Variants in USP7 observed in about 807,000 individuals in gnomAD.
USP7 encodes ubiquitin specific peptidase 7.
USP7 carries 9 observed loss-of-function variants against 162.9 expected under a neutral mutation model. The observed-to-expected ratio is 0.06, with a 90% CI of 0.03 to 0.10. USP7 has a LOEUF of 0.10. Among genes scored for constraint, USP7 ranks in the 10% least tolerant of loss-of-function variants. The pLI is 1.00. For missense variants in USP7, 715 were observed against 1,373.7 expected (o/e 0.52, Z 7.58); for synonymous variants, 562 against 475.9 (o/e 1.18, Z -2.35).
At chr16:8,932,787 G>A (rs531092715) in intron 1 of USP7, among the ~76,000 whole-genome samples, 15 of 152,236 alleles carry the variant, frequency 9.9e-5, no homozygotes, top group African/African-American at 3.1e-4. Context: ...TGGGGCTGGG[G>A]ATGGACAAAG....
Position 8,963,399 on chromosome 16 carries a change from C to G in USP7, c.-114G>C, listed in dbSNP as rs944135467. ...GGCGGCGGCGGCGGGGCGGCCTCCT[C>G]CTCCTCCTCCCGCGCGTCGTCGGCG... On this transcript the variant is annotated 5_prime_UTR_variant, in exon 1 of 31. Transcript: ENST00000344836. 5.8e-6 allele frequency: 1 copy of G among 173,370 alleles called. No individual in the cohort carries two copies. The highest frequency in any genetic ancestry group is 1.7e-4 in the South Asian group (1 of 6,028). 10.7% of individuals were successfully genotyped at this position (173,370 alleles called of 1,614,324 possible).
intron 12 of USP7, among the ~76,000 whole-genome samples, chr16:8,907,996 T>C (rs1362331480): frequency 6.6e-6 from 1 of 152,182 alleles, no homozygotes; most frequent in Non-Finnish European, 1.5e-5. Flanking sequence ...TGAAATAACA[T>C]TTATAATCGG....
intron 15 of USP7, 139 bp downstream of exon 15, chr16:8,904,296 G>A: frequency 1.4e-6 from 2 of 1,451,410 alleles, no homozygotes; most frequent in South Asian, 1.3e-5. Flanking sequence ...GGACTGACCT[G>A]CACTTGCGTA....
chr16:8,911,043 T>A (rs565073330), intron 10 of USP7, among the ~76,000 whole-genome samples: 2 of 152,316 alleles, frequency 1.3e-5, no homozygotes, highest in South Asian at 4.1e-4. Flanking sequence ...TTAAGGACAT[T>A]AAAATGACAA....
intron 1 of USP7, among the ~76,000 whole-genome samples, chr16:8,956,877 CCAGCGCAGCCT>C (rs1316964947): frequency 6.6e-6 from 1 of 152,164 alleles, no homozygotes; most frequent in Non-Finnish European, 1.5e-5. Flanking sequence ...ACGAGGACTC[CCAGCGCAGCCT>C]CAGCCATGCC....
intron 5 of USP7, among the ~76,000 whole-genome samples, chr16:8,919,606 T>A (rs1199790871): frequency 2.0e-5 from 3 of 152,056 alleles, no homozygotes; most frequent in African/African-American, 7.2e-5. Flanking sequence ...CCAGAGCTTT[T>A]TTTATTTTGT....
chr16:8,947,827 G>C (rs556583470), intron 1 of USP7, among the ~76,000 whole-genome samples: 2 of 152,212 alleles, frequency 1.3e-5, no homozygotes, highest in Non-Finnish European at 2.9e-5. Context: ...GCCTCAGCTA[G>C]GTGGGCATGC....
chr16:8,963,308 CCTGCGGCCGGGGGCCGGGG>C lies in USP7; in HGVS notation c.-42_-24del, dbSNP rs1276578220. The C allele has an allele frequency of 9.2e-7, 1 of 1,083,938 alleles. No individual in the cohort carries two copies. Among genetic ancestry groups the C allele is most frequent in the Non-Finnish European group, 1.1e-6 (1 of 870,050 alleles). The allele number at this position is 1,083,938 out of a possible 1,614,324, so 67.1% of individuals were successfully genotyped here. Reference sequence around the variant, plus strand: ...CATGTCGGCCGCGGCCTGGGCCTCGCCTGCGGCCGGGGGCCGGGGCTGCGAGCCCGGCGGGCGGGCGGCG... The same window carrying C: ...CATGTCGGCCGCGGCCTGGGCCTCGCCTGCGAGCCCGGCGGGCGGGCGGCG... On this transcript the variant is annotated 5_prime_UTR_variant, in exon 1 of 31. Coordinates refer to ENST00000344836, the MANE Select transcript of USP7 (RefSeq NM_003470.3).
chr16:8,913,247 T>C (rs532003391), intron 10 of USP7, among the ~76,000 whole-genome samples: 4 of 152,264 alleles, frequency 2.6e-5, no homozygotes, highest in East Asian at 1.9e-4. Context: ...TCCCAGCTAC[T>C]TGTGAGCCTA....
rs1414130447 is a variant in USP7, at chr16:8,893,263, TG to T, written c.*734del. 3 of 152,244 alleles carry T rather than the reference TG, an allele frequency of 2.0e-5. No individual in the cohort carries two copies. The highest frequency in any genetic ancestry group is 7.2e-5 in the African/African-American group (3 of 41,466). The allele number at this position is 152,244 out of a possible 1,614,324, so 9.4% of individuals were successfully genotyped here. The stretch of plus-strand genomic sequence containing the variant: ...AATCCTTTCACCTGCTCGTATGAAC[TG>T]TTGAGATCGTAAGTCTGCCAAGGCA... On this transcript the variant is annotated 3_prime_UTR_variant, in exon 31 of 31. Transcript: ENST00000344836.
At chr16:8,911,254 G>C (rs964447208) in intron 10 of USP7, among the ~76,000 whole-genome samples, 1 of 152,184 alleles carries the variant, frequency 6.6e-6, no homozygotes, top group Non-Finnish European at 1.5e-5. Context: ...CACGGGGTGG[G>C]GTGGAAGTTG....
At chr16:8,929,217 C>T (rs1444340182) in intron 2 of USP7, among the ~76,000 whole-genome samples, 1 of 152,226 alleles carries the variant, frequency 6.6e-6, no homozygotes, top group Non-Finnish European at 1.5e-5. Flanking sequence ...CAAATGCACT[C>T]ACTCAACCGC....
intron 1 of USP7, among the ~76,000 whole-genome samples, chr16:8,942,616 T>C (rs1039173396): frequency 6.6e-6 from 1 of 152,206 alleles, no homozygotes; most frequent in Non-Finnish European, 1.5e-5. Flanking sequence ...GGTGCCACCA[T>C]GGCTCACTGC....
chr16:8,894,471 GGCTGCCCCTCCCAGCCCC>G, intron 30 of USP7, 61 bp downstream of exon 30: 2 of 1,456,930 alleles, frequency 1.4e-6, no homozygotes, highest in Non-Finnish European at 1.9e-6. Context: ...TTGACCCTGG[GGCTGCCCCTCCCAGCCCC>G]AGACCACTTG....
chr16:8,928,071 A>G (rs1345128298), intron 2 of USP7, among the ~76,000 whole-genome samples: 2 of 152,252 alleles, frequency 1.3e-5, no homozygotes, highest in African/African-American at 2.4e-5. Context: ...TAGATACAGT[A>G]AAAGATAATT....
In USP7 at chr16:8,893,920, G is replaced by C. The variant is rs1354998538; in HGVS notation, c.*78C>G. ...CCTCTTGCTGAAGACTTCGGCTAGA[G>C]GGCACGTGCACCAAAGTTCTAGGCT... is the stretch of plus-strand genomic sequence containing the variant. On this transcript the variant is annotated 3_prime_UTR_variant, in exon 31 of 31. Coordinates refer to ENST00000344836, the MANE Select transcript of USP7 (RefSeq NM_003470.3). 1.0e-5 allele frequency: 13 copies of C among 1,255,810 alleles called. No homozygotes were observed. The East Asian group carries it at 2.3e-4, about 22-fold the overall frequency. The allele number at this position is 1,255,810 out of a possible 1,614,324, so 77.8% of individuals were successfully genotyped here. A position where few individuals can be genotyped will look rare whatever the true frequency, so the allele number is the denominator to read the frequency against.
At chr16:8,904,385 G>A in intron 15 of USP7, 50 bp downstream of exon 15, 3 of 1,603,298 alleles carry the variant, frequency 1.9e-6, no homozygotes, top group African/African-American at 2.7e-5. Context: ...GTATAGAGAT[G>A]GGTGCCCGGC....
intron 5 of USP7, among the ~76,000 whole-genome samples, chr16:8,919,686 C>A (rs1897576651): frequency 2.0e-5 from 3 of 151,786 alleles, no homozygotes; most frequent in South Asian, 2.1e-4. Flanking sequence ...TTCCCACCCC[C>A]ACCCCAAGTA....
At chr16:8,935,172 T>C (rs1898622527) in intron 1 of USP7, among the ~76,000 whole-genome samples, 1 of 152,114 alleles carries the variant, frequency 6.6e-6, no homozygotes. Flanking sequence ...TGGGGACTGA[T>C]TTGGCCAAAC....
Sources: allele counts gnomAD v4.1 joint callset (sites outside exome capture counted in the v4.1 genomes callset), GRCh38; gene constraint gnomAD v4.1.1; transcripts MANE v1.5; gene names NCBI Gene and HGNC (gene_info 2026-07-23, HGNC 2026-07-21).